The following HDAC4 variants were observed in gnomAD, a reference collection of about 807,000 sequenced individuals.
HDAC4 encodes histone deacetylase A.
In HDAC4, 16 loss-of-function variants were observed where a neutral mutation model predicts 135.1. The observed-to-expected ratio is 0.12, with a 90% confidence interval of 0.08 to 0.18. The LOEUF is 0.18. HDAC4 is among the 10% of genes least tolerant of loss of function. The pLI, the probability that HDAC4 is intolerant of heterozygous loss-of-function variation, is 1.00. For synonymous variants in HDAC4, 685 were observed against 653.4 expected, an observed-to-expected ratio of 1.05 and a Z score of -0.74; for missense variants, 1,143 against 1,511.8, an observed-to-expected ratio of 0.76 and a Z score of 4.05.
chr2:239,129,559 C>T (rs1460432267), intron 11 of HDAC4, among the ~76,000 whole-genome samples: 3 of 152,188 alleles, frequency 2.0e-5, no homozygotes, highest in East Asian at 1.9e-4. Flanking sequence ...CTGCCCTGAG[C>T]ACTGGCAGAA....
intron 2 of HDAC4, among the ~76,000 whole-genome samples, chr2:239,264,335 T>C (rs1007513585): frequency 6.6e-6 from 1 of 152,196 alleles, no homozygotes; most frequent in African/African-American, 2.4e-5. Context: ...CAAATGCAGC[T>C]CACATTTGTG....
intron 7 of HDAC4, among the ~76,000 whole-genome samples, chr2:239,156,339 T>G (rs1169541327): frequency 6.6e-6 from 1 of 152,222 alleles, no homozygotes; most frequent in Non-Finnish European, 1.5e-5. Context: ...CTGTGACCAC[T>G]GCGGGGACGC....
chr2:239,259,462 AAAC>A (rs1057320308), intron 2 of HDAC4, among the ~76,000 whole-genome samples: 26 of 152,300 alleles, frequency 1.7e-4, no homozygotes, highest in African/African-American at 5.1e-4. Flanking sequence ...AACAACAACA[AAAC>A]AACAACAACC....
chr2:239,094,882 G>A (rs1246408553), intron 17 of HDAC4, 128 bp downstream of exon 17: 3 of 1,592,158 alleles, frequency 1.9e-6, no homozygotes, highest in Non-Finnish European at 8.6e-7. Context: ...CCGCACATGG[G>A]CAGCCCCTGC....
chr2:239,237,844 C>A (rs899263762), intron 2 of HDAC4, among the ~76,000 whole-genome samples: 1 of 152,176 alleles, frequency 6.6e-6, no homozygotes, highest in South Asian at 2.1e-4. Context: ...CAACAAAAAA[C>A]CACGGGGACC....
intron 2 of HDAC4, among the ~76,000 whole-genome samples, chr2:239,255,454 C>T (rs1575537301): frequency 6.6e-6 from 1 of 152,278 alleles, no homozygotes; most frequent in South Asian, 2.1e-4. Flanking sequence ...GGGTTTATGA[C>T]CTGCATCTCC....
intron 16 of HDAC4, among the ~76,000 whole-genome samples, chr2:239,096,915 G>C (rs1281542183): frequency 6.6e-6 from 1 of 152,160 alleles, no homozygotes; most frequent in African/African-American, 2.4e-5. Context: ...GCCCGGGGCT[G>C]GGGAGCTGCC....
rs1301973008 is a variant in HDAC4 at position 239,237,778 on chromosome 2, T to G, written c.23-1114A>C. On this transcript the variant is annotated intron_variant, in intron 2 of 26. Transcript: ENST00000543185. The stretch of plus-strand genomic sequence containing the variant: ...GGAGCTCAGCAGGTGAGGCTGCTCT[T>G]GGGCAATGCAGAGATCAAACGTGGG... 2.0e-5 allele frequency among the ~76,000 whole-genome samples: 3 copies of G among 152,114 alleles called. No homozygotes were observed. The East Asian group carries it at 5.8e-4, about 29-fold the overall frequency.
chr2:239,116,994 G>C (rs1435700594), intron 12 of HDAC4, among the ~76,000 whole-genome samples: 1 of 152,202 alleles, frequency 6.6e-6, no homozygotes, highest in Non-Finnish European at 1.5e-5. Flanking sequence ...CTTTCCTGCA[G>C]TCTGCAGTTC....
rs1175304628 is a variant in HDAC4 at position 239,066,809 on chromosome 2, C to A, written c.2916G>T (p.Arg972=). Residue 972 remains arginine, a synonymous_variant, in exon 24 of 27, where the codon CGG becomes CGT. Transcript: ENST00000543185. ...TKQLMGLAGG[R]IVLALEGGHD... is the part of the protein sequence containing the mutation. ...GGCCTCCCTCGAGGGCCAGGACAATCCGGCCGCCAGCCAGGCCCATCAGCT... is the reference window on the plus strand; with the variant it reads ...GGCCTCCCTCGAGGGCCAGGACAATACGGCCGCCAGCCAGGCCCATCAGCT... 3.1e-6 allele frequency: 5 copies of A among 1,613,486 alleles called. No individual in the cohort carries two copies. In the Middle Eastern group the frequency reaches 6.6e-4, roughly 213 times the overall value.
At chr2:239,158,210 T>C (rs12477189) in intron 6 of HDAC4, among the ~76,000 whole-genome samples, 4,865 of 152,258 alleles carry the variant, frequency 0.032, 123 homozygotes, top group Non-Finnish European at 0.051. Flanking sequence ...CTCTACCAAA[T>C]AGTATTTTCA....
At chr2:239,085,873 G>C (rs1423648723) in intron 19 of HDAC4, 1 of 148,542 alleles carries the variant, frequency 6.7e-6, no homozygotes, top group African/African-American at 2.5e-5. Flanking sequence ...TCTAACATGC[G>C]GATCTGACTA....
intron 7 of HDAC4, among the ~76,000 whole-genome samples, chr2:239,155,761 C>T (rs2042386509): frequency 6.6e-6 from 1 of 152,214 alleles, no homozygotes; most frequent in South Asian, 2.1e-4. Flanking sequence ...CCTAGGCTCT[C>T]ATCTCCAAGA....
intron 3 of HDAC4, among the ~76,000 whole-genome samples, chr2:239,201,091 C>A (rs947043755): frequency 6.6e-6 from 1 of 152,156 alleles, no homozygotes; most frequent in Non-Finnish European, 1.5e-5. Context: ...TAAGGGACAC[C>A]CCGCTTGACA....
Position 239,139,819 on chromosome 2 carries a change from G to A in HDAC4, c.866-23C>T, listed in dbSNP as rs1330838991. The stretch of plus-strand genomic sequence containing the variant: ...AGTCTGCGGAGGCAGAAATACCCTG[G>A]TGAGTGTTACTCCATGCGGAGGGAG... On this transcript the variant is annotated intron_variant, in intron 8 of 26. Transcript: ENST00000543185. The surrounding 1 kb of genome is among the most constrained non-coding windows in gnomAD (Gnocchi z 5.3). The A allele has an allele frequency of 6.3e-7, 1 of 1,582,292 alleles. No individual in the cohort carries two copies. The highest frequency in any genetic ancestry group is 8.6e-7 in the Non-Finnish European group (1 of 1,169,324).
chr2:239,093,798 T>C (rs1218668544), intron 17 of HDAC4: 1 of 325,416 alleles, frequency 3.1e-6, no homozygotes, highest in Non-Finnish European at 4.4e-6. Context: ...TGATAAATTC[T>C]GCCTTGCACA....
intron 2 of HDAC4, among the ~76,000 whole-genome samples, chr2:239,280,462 G>A (rs1047269439): frequency 3.9e-5 from 6 of 152,166 alleles, no homozygotes; most frequent in South Asian, 2.1e-4. Flanking sequence ...TGGTCCCTCC[G>A]ATGGGCGAGC....
intron 3 of HDAC4, among the ~76,000 whole-genome samples, chr2:239,212,864 C>T (rs112775748): frequency 2.0e-5 from 3 of 152,192 alleles, no homozygotes; most frequent in Non-Finnish European, 2.9e-5. Flanking sequence ...CAACATGCCC[C>T]GCCCAGCTTG....
intron 2 of HDAC4, among the ~76,000 whole-genome samples, chr2:239,258,534 G>A: frequency 6.6e-6 from 1 of 152,226 alleles, no homozygotes; most frequent in East Asian, 1.9e-4. Context: ...AGAAGTACTA[G>A]AAGATGGTAA....
Sources: gnomAD v4.1 joint callset for allele counts (sites outside exome capture counted in the v4.1 genomes callset) on GRCh38, gnomAD v4.1.1 for gene constraint, Gnocchi (gnomAD v3.1) non-coding constraint, MANE v1.5 for transcripts, NCBI Gene and HGNC (gene_info 2026-07-23, HGNC 2026-07-21) for gene names.